Variants in SPTBN1 observed in about 807,000 individuals in gnomAD.
SPTBN1 encodes spectrin beta chain, non-erythrocytic 1.
Under a neutral mutation model 266.4 loss-of-function variants are expected in SPTBN1, and 32 were observed. The observed-to-expected ratio is 0.12, with a 90% CI of 0.09 to 0.16. The LOEUF (loss-of-function observed/expected upper bound fraction) is 0.16. Ranked by LOEUF, SPTBN1 falls within the 10% of genes least tolerant of loss-of-function variation. SPTBN1 has a pLI of 1.00. For missense variants in SPTBN1, 2,296 were observed against 3,067.1 expected (o/e 0.75, Z 5.94); for synonymous variants, 1,336 against 1,162.2 (o/e 1.15, Z -3.04).
chr2:54,634,586 A>C (rs1678984038), intron 17 of SPTBN1, among the ~76,000 whole-genome samples: 1 of 152,182 alleles, frequency 6.6e-6, no homozygotes, highest in South Asian at 2.1e-4. Flanking sequence ...ACAGAATTGA[A>C]ACTGACCCTA....
In SPTBN1 at chr2:54,630,896, C is replaced by T. The variant is rs1678687473; in HGVS notation, c.2849C>T (p.Ala950Val). 6.2e-7 allele frequency: 1 copy of T among 1,608,524 alleles called. No homozygotes were observed. Among genetic ancestry groups the T allele is most frequent in the African/African-American group, 1.3e-5 (1 of 74,884 alleles). ...FRELVDRKKD[A>V]LLSALSIQNY... is the part of the protein sequence containing the mutation. ...GAACTGGTTGACAGGAAGAAGGATGCCCTCCTGTCTGCCCTGAGCATCCAG... is the reference window on the plus strand; with the variant it reads ...GAACTGGTTGACAGGAAGAAGGATGTCCTCCTGTCTGCCCTGAGCATCCAG... The change falls in exon 16 of 36, where the codon GCC (alanine) becomes GTC (valine). Residue 950 changes from alanine to valine, a missense_variant. Around this residue, in one of 12 missense-constraint regions of SPTBN1, gnomAD observed 128 missense variants for 176.5 expected, o/e 0.73. Transcript: ENST00000356805.
At chr2:54,603,842 C>T (rs1676660342) in intron 3 of SPTBN1, among the ~76,000 whole-genome samples, 1 of 152,176 alleles carries the variant, frequency 6.6e-6, no homozygotes, top group African/African-American at 2.4e-5. Context: ...AAGAAAAAAA[C>T]ATAAGCAAGT....
chr2:54,557,884 T>A (rs1377710114), intron 2 of SPTBN1: 79 of 985,248 alleles, frequency 8.0e-5, no homozygotes, highest in Non-Finnish European at 8.7e-5. Context: ...TTGTCTGACT[T>A]CTTCCCGGTG....
rs1006543850 is a variant in SPTBN1, at chr2:54,646,289, T to C, written c.4680T>C (p.Ala1560=). The C allele has an allele frequency of 4.3e-6, 7 of 1,614,226 alleles. No individual in the cohort carries two copies. The highest frequency in any genetic ancestry group is 1.1e-5 in the South Asian group (1 of 91,086). Residue 1560 remains alanine (A), a synonymous_variant, in exon 23 of 36, where the codon GCT becomes GCC. Transcript: ENST00000356805. The surrounding 1 kb of genome is among the most constrained non-coding windows in gnomAD (Gnocchi z 4.4). ...NIVTDSSSLS[A]EAIRQRLADL... The stretch of plus-strand genomic sequence containing the variant: ...TCACTGACAGCAGCAGCCTCAGCGC[T>C]GAGGCCATCAGACAGAGGCTTGCCG...
At chr2:54,594,833 C>CTTT (rs71408777) in intron 2 of SPTBN1, among the ~76,000 whole-genome samples, 31,511 of 103,870 alleles carry the variant, frequency 0.3, 5,869 homozygotes, top group Admixed American at 0.37. Context: ...TGGTAAGTTT[C>CTTT]TTTTTTTTTT....
chr2:54,533,900 TCACACA>T lies in SPTBN1; in HGVS notation c.148+7356_148+7361del, dbSNP rs70944176. ...ATTGATCTCTCTCTCTGTCTCTCTC[TCACACA>T]CACACACACACACACACACACGCAC... On this transcript the variant is annotated intron_variant, in intron 2 of 35. Transcript: ENST00000356805. The surrounding 1 kb of genome is among the most constrained non-coding windows in gnomAD (Gnocchi z 4.2). Among the ~76,000 whole-genome samples the T allele has an allele frequency of 0.13, 20,133 of 150,118 alleles. 2,449 individuals are homozygous for T. Among genetic ancestry groups the T allele is most frequent in the African/African-American group, 0.32 (13,126 of 40,878 alleles).
chr2:54,600,257 G>T (rs553238518), intron 3 of SPTBN1, among the ~76,000 whole-genome samples: 1 of 152,270 alleles, frequency 6.6e-6, no homozygotes, highest in Admixed American at 6.5e-5. Context: ...TTGAGTCTGG[G>T]TTGAAATGGA....
intron 18 of SPTBN1, 57 bp downstream of exon 18, chr2:54,637,860 A>G: frequency 7.2e-7 from 1 of 1,387,428 alleles, no homozygotes; most frequent in Non-Finnish European, 1.0e-6. Flanking sequence ...ATTGCCAGCC[A>G]GCATTTAGCA....
intron 2 of SPTBN1, chr2:54,529,466 C>T (rs563312474): frequency 1.7e-5 from 12 of 713,838 alleles, no homozygotes; most frequent in African/African-American, 1.4e-4. Flanking sequence ...AAAGAAGATC[C>T]GCATGTCACC....
At chr2:54,519,655 C>T (rs777831652) in intron 1 of SPTBN1, among the ~76,000 whole-genome samples, 4 of 152,144 alleles carry the variant, frequency 2.6e-5, no homozygotes, top group Non-Finnish European at 4.4e-5. Flanking sequence ...TGGCATTATT[C>T]TGATGGCATT....
Position 54,631,395 on chromosome 2 carries a change from G to C in SPTBN1, c.3348G>C (p.Glu1116Asp), listed in dbSNP as rs775747421. 1.9e-6 allele frequency: 3 copies of C among 1,614,234 alleles called. No homozygotes were observed. The highest frequency in any genetic ancestry group is 2.5e-6 in the Non-Finnish European group (3 of 1,180,042). ...NIKNEIDNYE[E>D]DYQKMRDMGE... Reference sequence around the variant, plus strand: ...AGAACGAGATCGACAACTACGAGGAGGACTACCAGAAGATGAGGGACATGG... The same window carrying C: ...AGAACGAGATCGACAACTACGAGGACGACTACCAGAAGATGAGGGACATGG... Residue 1116 changes from glutamate to aspartate, a missense_variant, in exon 16 of 36, where the codon GAG (glutamate) becomes GAC (aspartate). By Grantham distance (45) the Glu-to-Asp change is conservative (BLOSUM62 2). This residue lies in a region of SPTBN1 where 386 missense variants were observed against 486.1 expected (regional missense o/e 0.79). Coordinates refer to ENST00000356805, the MANE Select transcript of SPTBN1 (RefSeq NM_003128.3).
At chr2:54,553,097 T>G (rs1211406711) in intron 2 of SPTBN1, among the ~76,000 whole-genome samples, 1 of 152,260 alleles carries the variant, frequency 6.6e-6, no homozygotes, top group Non-Finnish European at 1.5e-5. Flanking sequence ...TAATTTCTTC[T>G]GTCTTTTCTT....
chr2:54,655,730 G>A (rs1012186638), intron 28 of SPTBN1, among the ~76,000 whole-genome samples, 184 bp from the exon 29 acceptor site: 1 of 152,194 alleles, frequency 6.6e-6, no homozygotes, highest in African/African-American at 2.4e-5. Flanking sequence ...AGCCCCTTCT[G>A]GAAGGAGCAG....
intron 2 of SPTBN1, among the ~76,000 whole-genome samples, chr2:54,563,703 A>C (rs1341920904): frequency 3.5e-5 from 5 of 144,218 alleles, no homozygotes; most frequent in Non-Finnish European, 6.0e-5. Flanking sequence ...TTCCGGGTTC[A>C]AGCGATTCTC....
At chr2:54,650,815 C>G (rs1454496463) in intron 26 of SPTBN1, among the ~76,000 whole-genome samples, 2 of 152,212 alleles carry the variant, frequency 1.3e-5, no homozygotes, top group African/African-American at 4.8e-5. Context: ...TAGCTGTGTT[C>G]CAATAAATCT....
chr2:54,526,088 ACCATTTTGGGGGTAT>A (rs1427211558), intron 1 of SPTBN1, among the ~76,000 whole-genome samples: 1 of 152,194 alleles, frequency 6.6e-6, no homozygotes, highest in Non-Finnish European at 1.5e-5. Flanking sequence ...GAATAAACCC[ACCATTTTGGGGGTAT>A]CCATCATCTC....
chr2:54,550,413 C>T lies in SPTBN1; in HGVS notation c.148+23847C>T, dbSNP rs375770378. Among the ~76,000 whole-genome samples, 33 of 152,246 alleles carry T rather than the reference C, an allele frequency of 2.2e-4. No individual in the cohort carries two copies. In the South Asian group the frequency reaches 6.6e-3, roughly 31 times the overall value. On this transcript the variant is annotated intron_variant, in intron 2 of 35. Transcript: ENST00000356805. The stretch of plus-strand genomic sequence containing the variant: ...TAAAATATTTCACATTTTAACACAC[C>T]AGGGCTGCACATGTTGTTCCATATC...
intron 1 of SPTBN1, among the ~76,000 whole-genome samples, chr2:54,477,803 C>T (rs1178268498): frequency 6.6e-6 from 1 of 151,926 alleles, no homozygotes; most frequent in Non-Finnish European, 1.5e-5. Context: ...CCCAGCTACT[C>T]AGGAGGCTGA....
chr2:54,609,083 G>A (rs1677047558), intron 3 of SPTBN1, among the ~76,000 whole-genome samples: 1 of 152,036 alleles, frequency 6.6e-6, no homozygotes, highest in Non-Finnish European at 1.5e-5. Context: ...TAGAAGGGGA[G>A]GCAGAAGAGG....
Sources: allele counts gnomAD v4.1 joint callset (sites outside exome capture counted in the v4.1 genomes callset), GRCh38; gene constraint gnomAD v4.1.1; regional missense constraint gnomAD v4.1.1; non-coding constraint Gnocchi (gnomAD v3.1); transcripts MANE v1.5; gene names NCBI Gene and HGNC (gene_info 2026-07-23, HGNC 2026-07-21).